Variants in CNOT4 observed in about 807,000 individuals in gnomAD.
CNOT4 encodes CCR4-associated factor 4.
CNOT4 carries 8 observed loss-of-function variants against 73.8 expected under a neutral mutation model. The observed-to-expected ratio is 0.11, with a 90% CI of 0.06 to 0.20. The LOEUF (loss-of-function observed/expected upper bound fraction) is 0.20. Ranked by LOEUF, CNOT4 falls within the 10% of genes least tolerant of loss-of-function variation. The probability of loss-of-function intolerance (pLI) is 1.00; values close to 1 mark genes in which losing one functional copy is unlikely to be tolerated. For missense variants in CNOT4, 564 were observed against 883.4 expected, an observed-to-expected ratio of 0.64 and a Z score of 4.58; for synonymous variants, 293 against 321.1, an observed-to-expected ratio of 0.91 and a Z score of 0.94.
At chr7:135,414,256 C>T in intron 5 of CNOT4, 75 bp downstream of exon 5, 1 of 640,348 alleles carries the variant, frequency 1.6e-6, no homozygotes, top group East Asian at 2.6e-5. Context: ...TATAAATGCT[C>T]AGTTCTCCTC....
chr7:135,497,107 C>G (rs946380034), intron 1 of CNOT4, among the ~76,000 whole-genome samples: 8 of 151,828 alleles, frequency 5.3e-5, no homozygotes, highest in African/African-American at 1.7e-4. Flanking sequence ...GCACCCAGCT[C>G]TTTTTTATAT....
chr7:135,444,918 C>T (rs1350830536), intron 1 of CNOT4: 1 of 1,597,878 alleles, frequency 6.3e-7, no homozygotes, highest in Non-Finnish European at 8.6e-7. Context: ...TGTTGCCATG[C>T]TGTGGAAGCT....
rs111783116 is a variant in CNOT4 at position 135,435,827 on chromosome 7, C to A, written c.174+2331G>T. Among the ~76,000 whole-genome samples the A allele has an allele frequency of 2.6e-5, 4 of 152,292 alleles. 1 individual carries two copies. Among genetic ancestry groups the A allele is most frequent in the African/African-American group, 9.6e-5 (4 of 41,564 alleles). On this transcript the variant is annotated intron_variant, in intron 2 of 11. Transcript: ENST00000541284. ...AGGTAATCTGCTAGGTATAGAAGCT[C>A]CTAGTTCCTCCAGAATGTTTCCATT...
At chr7:135,443,893 A>G (rs960375861) in intron 1 of CNOT4, among the ~76,000 whole-genome samples, 2 of 152,202 alleles carry the variant, frequency 1.3e-5, no homozygotes, top group Non-Finnish European at 2.9e-5. Flanking sequence ...TCACACTCAC[A>G]GTCCTAGCAC....
At chr7:135,402,376 C>G (rs1050543871) in intron 7 of CNOT4, among the ~76,000 whole-genome samples, 2 of 152,142 alleles carry the variant, frequency 1.3e-5, no homozygotes, top group Non-Finnish European at 2.9e-5. Context: ...TCCCAAAATG[C>G]TGGGATTCAG....
At chr7:135,484,360 A>C (rs990037766) in intron 1 of CNOT4, among the ~76,000 whole-genome samples, 1 of 152,130 alleles carries the variant, frequency 6.6e-6, no homozygotes, top group Non-Finnish European at 1.5e-5. Context: ...CAGAAGAAAA[A>C]ATCTGTCCCC....
At chr7:135,504,468 T>G (rs55936327) in intron 1 of CNOT4, among the ~76,000 whole-genome samples, 721 of 52,382 alleles carry the variant, frequency 0.014, 44 homozygotes, top group African/African-American at 0.017. Flanking sequence ...GCTAATTTTT[T>G]TTTTTTTTTT....
intron 1 of CNOT4, among the ~76,000 whole-genome samples, chr7:135,473,677 A>G (rs1801791118): frequency 6.6e-6 from 1 of 151,990 alleles, no homozygotes; most frequent in Admixed American, 6.5e-5. Flanking sequence ...AGGCCAGGAG[A>G]AGGAGGCCGC....
At chr7:135,454,571 G>A (rs1186029288) in intron 1 of CNOT4, among the ~76,000 whole-genome samples, 1 of 152,052 alleles carries the variant, frequency 6.6e-6, no homozygotes, top group Non-Finnish European at 1.5e-5. Context: ...CTACACAGGA[G>A]GGTGAGGCAG....
At chr7:135,461,233 T>C (rs981111359) in intron 1 of CNOT4, among the ~76,000 whole-genome samples, 3 of 152,200 alleles carry the variant, frequency 2.0e-5, no homozygotes, top group Admixed American at 2.0e-4. Context: ...CCTCTTTTAA[T>C]TCTCACCCCC....
At chr7:135,412,519 T>C (rs1429052275) in intron 6 of CNOT4, among the ~76,000 whole-genome samples, 1 of 151,970 alleles carries the variant, frequency 6.6e-6, no homozygotes, top group Non-Finnish European at 1.5e-5. Context: ...TCTGTCCTTA[T>C]TAAATATCAG....
chr7:135,461,519 A>G (rs1012413292), intron 1 of CNOT4, among the ~76,000 whole-genome samples: 1 of 151,978 alleles, frequency 6.6e-6, no homozygotes, highest in Non-Finnish European at 1.5e-5. Context: ...TCCCTGCTTT[A>G]CCTATTAAAT....
intron 8 of CNOT4, among the ~76,000 whole-genome samples, chr7:135,396,407 G>A (rs1216708082): frequency 2.0e-5 from 3 of 152,028 alleles, no homozygotes; most frequent in Admixed American, 1.3e-4. Context: ...ATGAGCCACC[G>A]TGCCCGGCCA....
intron 6 of CNOT4, among the ~76,000 whole-genome samples, chr7:135,411,709 G>T (rs1182216010): frequency 6.6e-6 from 1 of 151,894 alleles, no homozygotes; most frequent in African/African-American, 2.4e-5. Context: ...TTAAATTATG[G>T]TCTAAATAGA....
At chr7:135,482,419 G>A (rs111922840) in intron 1 of CNOT4, among the ~76,000 whole-genome samples, 4 of 152,024 alleles carry the variant, frequency 2.6e-5, no homozygotes, top group African/African-American at 9.6e-5. Context: ...GGTCAGGTGT[G>A]GTGGTACACA....
At chr7:135,476,315 T>C (rs180937895) in intron 1 of CNOT4, among the ~76,000 whole-genome samples, 2 of 152,304 alleles carry the variant, frequency 1.3e-5, no homozygotes, top group East Asian at 1.9e-4. Flanking sequence ...GATATGGTAA[T>C]ACACACAATC....
At chr7:135,425,226 G>A (rs557727608) in intron 2 of CNOT4, among the ~76,000 whole-genome samples, 22 of 152,286 alleles carry the variant, frequency 1.4e-4, no homozygotes, top group African/African-American at 5.3e-4. Context: ...ACTTTTCTGG[G>A]ACTTAGATTT....
At chr7:135,479,966 A>G (rs1411863619) in intron 1 of CNOT4, among the ~76,000 whole-genome samples, 2 of 151,964 alleles carry the variant, frequency 1.3e-5, no homozygotes, top group African/African-American at 4.9e-5. Context: ...AAAACTAATT[A>G]AATTCTGAAG....
chr7:135,433,031 G>A (rs1180193067), intron 2 of CNOT4, among the ~76,000 whole-genome samples: 1 of 152,142 alleles, frequency 6.6e-6, no homozygotes, highest in Non-Finnish European at 1.5e-5. Flanking sequence ...ATCTGAAAAT[G>A]TGTTCTTTGG....
Sources: allele counts gnomAD v4.1 joint callset (sites outside exome capture counted in the v4.1 genomes callset), GRCh38; gene constraint gnomAD v4.1.1; transcripts MANE v1.5; gene names NCBI Gene and HGNC (gene_info 2026-07-23, HGNC 2026-07-21).